Variants in RGS7 observed in about 807,000 individuals in gnomAD.
The protein encoded by RGS7 is regulator of G protein signaling 7.
Under a neutral mutation model 81.1 loss-of-function variants are expected in RGS7, and 27 were observed. The observed-to-expected ratio is 0.33, with a 90% CI of 0.25 to 0.46. The LOEUF is 0.46. Ranked by LOEUF, RGS7 falls within the 20% of genes least tolerant of loss-of-function variation. RGS7 has a pLI of 1.00. For synonymous variants in RGS7, 208 were observed against 207.7 expected, an observed-to-expected ratio of 1.00 and a Z score of -0.01; for missense variants, 396 against 607.4, an observed-to-expected ratio of 0.65 and a Z score of 3.66.
intron 6 of RGS7, among the ~76,000 whole-genome samples, chr1:240,902,429 C>T (rs1018782115): frequency 1.3e-5 from 2 of 151,884 alleles, no homozygotes; most frequent in African/African-American, 4.8e-5. Context: ...TTCTGGAGTA[C>T]ACTATCATTA....
chr1:240,976,725 CTCTATCTA>C (rs3044718), intron 4 of RGS7, among the ~76,000 whole-genome samples: 5,921 of 148,110 alleles, frequency 0.04, 136 homozygotes, highest in African/African-American at 0.056. Context: ...TCCTCAAAAT[CTCTATCTA>C]TCTATCTATC....
At chr1:241,132,929 A>G (rs1439305653) in intron 2 of RGS7, among the ~76,000 whole-genome samples, 1 of 151,922 alleles carries the variant, frequency 6.6e-6, no homozygotes, top group East Asian at 1.9e-4. Context: ...AGCCCGGCTA[A>G]TTTTTTGTAT....
At chr1:241,007,063 C>T (rs1018253271) in intron 3 of RGS7, among the ~76,000 whole-genome samples, 1 of 152,040 alleles carries the variant, frequency 6.6e-6, no homozygotes, top group African/African-American at 2.4e-5. Flanking sequence ...ATTATAGACA[C>T]ATGCCACCAT....
At chr1:241,099,416 G>A (rs535590457) in intron 2 of RGS7, among the ~76,000 whole-genome samples, 44 of 151,648 alleles carry the variant, frequency 2.9e-4, no homozygotes, top group South Asian at 1.0e-3. Flanking sequence ...ACACATACAC[G>A]TGCATGTACA....
At chr1:241,355,170 A>G (rs1436834479) in intron 2 of RGS7, among the ~76,000 whole-genome samples, 1 of 152,246 alleles carries the variant, frequency 6.6e-6, no homozygotes, top group Non-Finnish European at 1.5e-5. Context: ...TAAAAGTAAC[A>G]GAAAGTAAAA....
At chr1:241,275,647 T>C (rs1167747177) in intron 2 of RGS7, among the ~76,000 whole-genome samples, 5 of 152,332 alleles carry the variant, frequency 3.3e-5, no homozygotes, top group East Asian at 3.9e-4. Flanking sequence ...TATTTATTCA[T>C]ATAAGCATGT....
At chr1:240,985,521 T>A (rs919022052) in intron 3 of RGS7, among the ~76,000 whole-genome samples, 3 of 152,236 alleles carry the variant, frequency 2.0e-5, no homozygotes, top group African/African-American at 7.2e-5. Context: ...AAACTTTCTT[T>A]CTTAGCCTAC....
At chr1:240,813,027 C>A (rs1408808638) in intron 13 of RGS7, among the ~76,000 whole-genome samples, 2 of 152,100 alleles carry the variant, frequency 1.3e-5, no homozygotes, top group East Asian at 3.9e-4. Context: ...TGTGACAGAG[C>A]ACCCATCTTT....
At chr1:241,150,162 T>A (rs1414554377) in intron 2 of RGS7, among the ~76,000 whole-genome samples, 1 of 152,186 alleles carries the variant, frequency 6.6e-6, no homozygotes, top group African/African-American at 2.4e-5. Flanking sequence ...AAAATAATAA[T>A]CATTTGTATT....
At chr1:240,968,917 G>A (rs1005300996) in intron 4 of RGS7, among the ~76,000 whole-genome samples, 2 of 152,120 alleles carry the variant, frequency 1.3e-5, no homozygotes, top group African/African-American at 2.4e-5. Context: ...AAATACAGGA[G>A]GGGGAAAACC....
chr1:241,108,517 T>A (rs2065289785), intron 2 of RGS7, among the ~76,000 whole-genome samples: 1 of 152,138 alleles, frequency 6.6e-6, no homozygotes, highest in Non-Finnish European at 1.5e-5. Flanking sequence ...CGATGCTAAA[T>A]GTATGTGAAA....
intron 2 of RGS7, among the ~76,000 whole-genome samples, chr1:241,308,430 A>G (rs1159613247): frequency 6.6e-6 from 1 of 152,218 alleles, no homozygotes; most frequent in Non-Finnish European, 1.5e-5. Flanking sequence ...ACGGATATGG[A>G]TTAAGCACCT....
intron 3 of RGS7, among the ~76,000 whole-genome samples, chr1:241,045,057 T>G (rs375019749): frequency 2.0e-5 from 3 of 152,306 alleles, no homozygotes; most frequent in African/African-American, 7.2e-5. Flanking sequence ...TTCTCTTCAG[T>G]TTCTTTCCTT....
At chr1:240,985,811 T>C (rs1685571435) in intron 3 of RGS7, among the ~76,000 whole-genome samples, 2 of 152,094 alleles carry the variant, frequency 1.3e-5, no homozygotes, top group African/African-American at 2.4e-5. Context: ...CAGTATCTTA[T>C]TGGAACCAGA....
At chr1:240,824,444 G>A (rs1438579145) in intron 10 of RGS7, among the ~76,000 whole-genome samples, 1 of 152,198 alleles carries the variant, frequency 6.6e-6, no homozygotes, top group Non-Finnish European at 1.5e-5. Context: ...AGGAGGAGGC[G>A]CTACAGAGAC....
At chr1:241,160,516 T>C (rs1054202650) in intron 2 of RGS7, among the ~76,000 whole-genome samples, 14 of 148,268 alleles carry the variant, frequency 9.4e-5, no homozygotes, top group Admixed American at 6.6e-5. Flanking sequence ...AGAACTGGAC[T>C]CATCCCCTGA....
chr1:241,240,456 T>A (rs990362919), intron 2 of RGS7, among the ~76,000 whole-genome samples: 8 of 152,162 alleles, frequency 5.3e-5, no homozygotes, highest in African/African-American at 1.9e-4. Context: ...ATTACACTTA[T>A]AAATATGTAT....
chr1:240,817,004 AC>A (rs1690913397), intron 10 of RGS7, among the ~76,000 whole-genome samples: 1 of 152,088 alleles, frequency 6.6e-6, no homozygotes, highest in Non-Finnish European at 1.5e-5. Flanking sequence ...AACATCAGTG[AC>A]CCCAGAGGCG....
At chr1:240,955,175 G>A (rs1430371230) in intron 4 of RGS7, among the ~76,000 whole-genome samples, 1 of 152,054 alleles carries the variant, frequency 6.6e-6, no homozygotes, top group Non-Finnish European at 1.5e-5. Flanking sequence ...CTGAACTAAA[G>A]ATTCAATGCT....
Sources: gnomAD v4.1 joint callset for allele counts (sites outside exome capture counted in the v4.1 genomes callset) on GRCh38, gnomAD v4.1.1 for gene constraint, MANE v1.5 for transcripts, NCBI Gene and HGNC (gene_info 2026-07-23, HGNC 2026-07-21) for gene names.